The following F7 variants were observed in gnomAD, a reference collection of about 807,000 sequenced individuals.
F7 encodes coagulation factor VII.
Under a neutral mutation model 47.5 loss-of-function variants are expected in F7, and 38 were observed. That is an observed-to-expected ratio of 0.80 (90% CI 0.62 to 1.05). F7 has a LOEUF of 1.05. Among genes scored for constraint, F7 ranks in the 50% least tolerant of loss-of-function variants. F7 has a pLI of 0.00. For missense variants in F7, 575 were observed against 605.4 expected (o/e 0.95, Z 0.53); for synonymous variants, 244 against 258.5 (o/e 0.94, Z 0.54).
chr13:113,115,877 C>T (rs571613420), intron 5 of F7, 77 bp downstream of exon 5: 56 of 1,593,958 alleles, frequency 3.5e-5, no homozygotes, highest in East Asian at 3.1e-4. Context: ...GGACAAAAGA[C>T]GGGTGGGAGT....
chr13:113,106,937 T>C, intron 1 of F7: 1 of 1,586,602 alleles, frequency 6.3e-7, no homozygotes, highest in African/African-American at 1.3e-5. Flanking sequence ...ACTGGTTTTG[T>C]CCTGGGGCCC....
At chr13:113,115,224 G>A (rs148653287) in intron 4 of F7, among the ~76,000 whole-genome samples, 103 of 152,320 alleles carry the variant, frequency 6.8e-4, no homozygotes, top group Admixed American at 3.4e-3. Flanking sequence ...GCGGGCTCAC[G>A]GTGGTACGAG....
chr13:113,106,079 AGGAGG>A (rs1227331983), intron 1 of F7, among the ~76,000 whole-genome samples, 174 bp downstream of exon 1: 1 of 150,724 alleles, frequency 6.6e-6, no homozygotes, highest in East Asian at 2.0e-4. Context: ...ATCCAGGCAC[AGGAGG>A]GGAGGCCCTT....
chr13:113,112,163 G>C (rs1168501376), intron 2 of F7, among the ~76,000 whole-genome samples: 1 of 120,414 alleles, frequency 8.3e-6, no homozygotes, highest in Non-Finnish European at 1.7e-5. Flanking sequence ...CACACCCACA[G>C]GACACCTCAC....
chr13:113,106,867 AG>A, intron 1 of F7: 1 of 1,606,158 alleles, frequency 6.2e-7, no homozygotes, highest in Non-Finnish European at 8.5e-7. Context: ...AGGCCTCAGG[AG>A]GAGAAACACG....
At position 113,117,466 on chromosome 13, in the gene F7, C is replaced by T. The variant is rs751971986; in HGVS notation, c.616-7C>T. 1.3e-5 allele frequency: 21 copies of T among 1,613,700 alleles called. No individual in the cohort carries two copies. The highest frequency in any genetic ancestry group is 8.3e-5 in the Admixed American group (5 of 59,998). ...GTGACTTCCACACCTCCTGTCCCCC[C>T]GCCCAGGTCCTGTTGTTGGTGAATG... On this transcript the variant is annotated splice_polypyrimidine_tract_variant and splice_region_variant and intron_variant, in intron 6 of 7. Transcript: ENST00000346342.
chr13:113,111,040 C>T (rs1294775546), intron 2 of F7, among the ~76,000 whole-genome samples, 190 bp downstream of exon 2: 2 of 152,174 alleles, frequency 1.3e-5, no homozygotes, highest in Non-Finnish European at 2.9e-5. Flanking sequence ...ATGCCCCCCA[C>T]CCCCAGGCAC....
rs929862777 is a variant in F7, at chr13:113,113,079, C to T, written c.226-673C>T. Among the ~76,000 whole-genome samples, 13 of 151,928 alleles carry T rather than the reference C, an allele frequency of 8.6e-5. No individual in the cohort carries two copies. The highest frequency in any genetic ancestry group is 8.5e-4 in the Admixed American group (13 of 15,258). ...CACACTCACAGGTCGCCACACCTCACACTCACAGGATGCCTCACACTCACA... is the reference window on the plus strand; with the variant it reads ...CACACTCACAGGTCGCCACACCTCATACTCACAGGATGCCTCACACTCACA... On this transcript the variant is annotated intron_variant, in intron 2 of 7. Coordinates refer to ENST00000346342, the MANE Select transcript of F7 (RefSeq NM_019616.4). The surrounding 1 kb of genome is among the most constrained non-coding windows in gnomAD (Gnocchi z 4.1).
In F7 at chr13:113,113,732, T is replaced by A; in HGVS notation, c.226-20T>A. On this transcript the variant is annotated intron_variant, in intron 2 of 7. Coordinates refer to ENST00000346342, the MANE Select transcript of F7 (RefSeq NM_019616.4). This position sits in a 1 kb window ranked among gnomAD's most constrained non-coding sequence, Gnocchi z 4.1. The stretch of plus-strand genomic sequence containing the variant: ...CTGGTGAAGGTGCATCTCACGAGGC[T>A]TGCTCTCTTGTTCCTTCAGAAGCTG... 6.2e-7 allele frequency: 1 copy of A among 1,613,316 alleles called. No individual in the cohort carries two copies. The highest frequency in any genetic ancestry group is 1.7e-4 in the Middle Eastern group (1 of 6,060).
At chr13:113,115,598 C>A in intron 4 of F7, 62 bp from the exon 5 acceptor site, 1 of 1,576,632 alleles carries the variant, frequency 6.3e-7, no homozygotes, top group South Asian at 1.1e-5. Context: ...ATGGCCACCC[C>A]GGGGGCTGGC....
chr13:113,118,607 G>T lies in F7; in HGVS notation c.934G>T (p.Ala312Ser). ...PERTFSERTL[A>S]FVRFSLVSGW... ...ACGGACGTTCTCTGAGAGGACGCTG[G>T]CCTTCGTGCGCTTCTCATTGGTCAG... The change falls in exon 8 of 8, where the codon GCC becomes TCC. Residue 312 changes from alanine (A) to serine (S), a missense_variant. Coordinates refer to ENST00000346342, the MANE Select transcript of F7 (RefSeq NM_019616.4). The T allele has an allele frequency of 6.2e-7, 1 of 1,612,892 alleles. No individual in the cohort carries two copies. The highest frequency in any genetic ancestry group is 8.5e-7 in the Non-Finnish European group (1 of 1,179,936).
intron 1 of F7, 26 bp from the exon 2 acceptor site, chr13:113,110,664 C>G: frequency 1.9e-6 from 3 of 1,547,646 alleles, no homozygotes; most frequent in Non-Finnish European, 2.6e-6. Flanking sequence ...ACGCGGTGGG[C>G]GCTTCACGGA....
chr13:113,116,382 G>GTTT (rs2036192572), intron 5 of F7, among the ~76,000 whole-genome samples: 1 of 152,174 alleles, frequency 6.6e-6, no homozygotes, highest in Non-Finnish European at 1.5e-5. Flanking sequence ...AACTAAGCAT[G>GTTT]GGATCAAAAC....
chr13:113,113,058 C>T lies in F7; in HGVS notation c.226-694C>T, dbSNP rs112365146. On this transcript the variant is annotated intron_variant, in intron 2 of 7. Transcript: ENST00000346342. This position sits in a 1 kb window ranked among gnomAD's most constrained non-coding sequence, Gnocchi z 4.1. ...CAGGTCACCTTACACTCATCTCACA[C>T]TCACAGGTCGCCACACCTCACACTC... is the stretch of plus-strand genomic sequence containing the variant. Among the ~76,000 whole-genome samples, 1 of 151,784 alleles carries T rather than the reference C, an allele frequency of 6.6e-6. No homozygotes were observed. Among genetic ancestry groups the T allele is most frequent in the Non-Finnish European group, 1.5e-5 (1 of 67,930 alleles).
chr13:113,119,114 G>T lies in F7; in HGVS notation c.*106G>T. 22 of 669,918 alleles carry T rather than the reference G, an allele frequency of 3.3e-5. No individual in the cohort carries two copies. Among genetic ancestry groups the T allele is most frequent in the East Asian group, 7.8e-5 (2 of 25,618 alleles). 41.5% of individuals were successfully genotyped at this position (669,918 alleles called of 1,614,324 possible). On this transcript the variant is annotated 3_prime_UTR_variant, in exon 8 of 8. Transcript: ENST00000346342. ...GTTAATGGGGTAGAGGAGGGCATGG[G>T]AGGGAGGGAGAGGTGGGGAGGGAGA...
chr13:113,115,601 G>A (rs1217354925), intron 4 of F7, 59 bp from the exon 5 acceptor site: 2 of 1,586,174 alleles, frequency 1.3e-6, no homozygotes, highest in South Asian at 1.1e-5. Flanking sequence ...GCCACCCCGG[G>A]GGCTGGCTCT....
rs2036150100 is a variant in F7, at chr13:113,113,985, A to G, written c.364+25A>G. On this transcript the variant is annotated intron_variant, in intron 4 of 7. Transcript: ENST00000346342. This position sits in a 1 kb window ranked among gnomAD's most constrained non-coding sequence, Gnocchi z 4.1. The stretch of plus-strand genomic sequence containing the variant: ...CGTAAGGCCCCACTTTGGGTCCCAT[A>G]TTTGCAGAGGGCCCTGGGGAGCTGG... The G allele has an allele frequency of 6.2e-7, 1 of 1,612,998 alleles. No individual in the cohort carries two copies.
chr13:113,114,923 G>A (rs894484559), intron 4 of F7: 4 of 153,632 alleles, frequency 2.6e-5, no homozygotes, highest in African/African-American at 9.6e-5. Context: ...CACTGAATGA[G>A]CTCTCCTGTG....
chr13:113,118,723 G>A lies in F7; in HGVS notation c.1050G>A (p.Gln350=). ...VPRLMTQDCL[Q]QSRKVGDSPN... ...GGCTGATGACCCAGGACTGCCTGCA[G>A]CAGTCACGGAAGGTGGGAGACTCCC... Residue 350 remains glutamine (Q), a synonymous_variant, in exon 8 of 8, where the codon CAG becomes CAA. Coordinates refer to ENST00000346342, the MANE Select transcript of F7 (RefSeq NM_019616.4). The A allele has an allele frequency of 6.2e-7, 1 of 1,613,100 alleles. No individual in the cohort carries two copies. Among genetic ancestry groups the A allele is most frequent in the Non-Finnish European group, 8.5e-7 (1 of 1,179,974 alleles).
Sources: gnomAD v4.1 joint callset for allele counts (sites outside exome capture counted in the v4.1 genomes callset) on GRCh38, gnomAD v4.1.1 for gene constraint, Gnocchi (gnomAD v3.1) non-coding constraint, MANE v1.5 for transcripts, NCBI Gene and HGNC (gene_info 2026-07-23, HGNC 2026-07-21) for gene names.